Variants in XKR9 observed in about 807,000 individuals in gnomAD.
XKR9 encodes XK related 9.
XKR9 carries 32 observed loss-of-function variants against 32.0 expected under a neutral mutation model. The observed-to-expected ratio is 1.00, with a 90% CI of 0.76 to 1.34. XKR9 has a LOEUF of 1.34. XKR9 is among the 40% of genes most tolerant of loss of function. The pLI is 0.00. For synonymous variants in XKR9, 168 were observed against 143.4 expected, an observed-to-expected ratio of 1.17 and a Z score of -1.22; for missense variants, 546 against 429.7, an observed-to-expected ratio of 1.27 and a Z score of -2.39.
At chr8:70,848,167 G>A in the XKR9 span, among the ~76,000 whole-genome samples, 1 of 151,986 alleles carries the variant, frequency 6.6e-6, no homozygotes, top group African/African-American at 2.4e-5. Context: ...TTCAACATAT[G>A]CAAATCAATA....
chr8:70,979,807 T>C, the XKR9 span, among the ~76,000 whole-genome samples: 1 of 152,134 alleles, frequency 6.6e-6, no homozygotes, highest in Non-Finnish European at 1.5e-5. Flanking sequence ...CAGATAGGGA[T>C]GTTTAAGTCT....
chr8:70,866,562 T>C, the XKR9 span, among the ~76,000 whole-genome samples: 1 of 152,146 alleles, frequency 6.6e-6, no homozygotes, highest in Non-Finnish European at 1.5e-5. Flanking sequence ...CAGAGATTGG[T>C]AGGAGTATTT....
At chr8:70,918,768 CTTTTTTTTTTTTT>C in the XKR9 span, among the ~76,000 whole-genome samples, 1 of 64,138 alleles carries the variant, frequency 1.6e-5, no homozygotes, top group Non-Finnish European at 3.0e-5. Context: ...TCATGGGATC[CTTTTTTTTTTTTT>C]TTTTTTTTTT....
chr8:70,803,853 A>G, the XKR9 span, among the ~76,000 whole-genome samples: 4 of 152,228 alleles, frequency 2.6e-5, 1 homozygote, highest in South Asian at 8.3e-4. Flanking sequence ...GCTTCCTGGT[A>G]GAACATGGGG....
At chr8:71,011,376 T>A in the XKR9 span, among the ~76,000 whole-genome samples, 56 of 152,010 alleles carry the variant, frequency 3.7e-4, no homozygotes, top group African/African-American at 1.4e-3. Flanking sequence ...TTCCCATAGG[T>A]CCAAATACTT....
the XKR9 span, among the ~76,000 whole-genome samples, chr8:70,841,470 A>C: frequency 1.3e-5 from 2 of 150,912 alleles, no homozygotes; most frequent in African/African-American, 4.9e-5. Flanking sequence ...AGCTTAAAAA[A>C]CCTCCTGTGT....
At chr8:71,036,492 A>G in the XKR9 span, among the ~76,000 whole-genome samples, 1 of 152,174 alleles carries the variant, frequency 6.6e-6, no homozygotes, top group African/African-American at 2.4e-5. Context: ...CTGGAAAGTC[A>G]GCATAATAGA....
chr8:70,940,891 G>A, the XKR9 span, among the ~76,000 whole-genome samples: 16 of 152,180 alleles, frequency 1.1e-4, no homozygotes, highest in East Asian at 3.1e-3. Flanking sequence ...TTCCCTGGTT[G>A]AGTTAGGCTC....
the XKR9 span, among the ~76,000 whole-genome samples, chr8:71,050,567 G>T: frequency 2.5e-3 from 379 of 152,172 alleles, 4 homozygotes; most frequent in African/African-American, 8.7e-3. Flanking sequence ...AATACTAAGA[G>T]ATTTGAATAG....
chr8:70,680,549 C>T (rs749362407), intron 2 of XKR9, among the ~76,000 whole-genome samples: 4 of 152,010 alleles, frequency 2.6e-5, no homozygotes, highest in African/African-American at 4.8e-5. Flanking sequence ...TATAAATAGT[C>T]GTGTGATAAA....
At chr8:70,882,729 G>A in the XKR9 span, among the ~76,000 whole-genome samples, 1 of 151,838 alleles carries the variant, frequency 6.6e-6, no homozygotes, top group African/African-American at 2.4e-5. Context: ...CACTAGTGTT[G>A]TACATTTATT....
At chr8:71,016,798 G>T in the XKR9 span, among the ~76,000 whole-genome samples, 1 of 151,612 alleles carries the variant, frequency 6.6e-6, no homozygotes, top group Non-Finnish European at 1.5e-5. Context: ...AAAGGTTGAA[G>T]TACATATCTA....
the XKR9 span, among the ~76,000 whole-genome samples, chr8:70,871,191 A>G: frequency 2.0e-5 from 3 of 152,180 alleles, no homozygotes; most frequent in Admixed American, 6.5e-5. Flanking sequence ...ACTAATTCAT[A>G]TATGTATTCA....
chr8:70,727,350 T>G (rs1360816604), intron 4 of XKR9, among the ~76,000 whole-genome samples: 1 of 150,256 alleles, frequency 6.7e-6, no homozygotes, highest in Non-Finnish European at 1.5e-5. Context: ...TTTCAGGACC[T>G]CAGAGTTTTA....
the XKR9 span, among the ~76,000 whole-genome samples, chr8:71,011,299 AAC>A: frequency 2.0e-5 from 3 of 152,196 alleles, no homozygotes; most frequent in Non-Finnish European, 4.4e-5. Context: ...AATGCTCATA[AAC>A]ACATAGTAAC....
intron 2 of XKR9, among the ~76,000 whole-genome samples, chr8:70,743,586 A>G (rs1381279820): frequency 9.9e-5 from 15 of 152,120 alleles, no homozygotes; most frequent in Non-Finnish European, 1.5e-5. Flanking sequence ...ACTCTAAACA[A>G]TCTTTATTTA....
chr8:70,929,974 C>G, the XKR9 span, among the ~76,000 whole-genome samples: 2 of 152,306 alleles, frequency 1.3e-5, 1 homozygote, highest in South Asian at 4.1e-4. Context: ...TTCTGCCCGT[C>G]ACAGGCACCT....
the XKR9 span, among the ~76,000 whole-genome samples, chr8:70,876,487 T>C: frequency 3.3e-5 from 5 of 152,140 alleles, no homozygotes; most frequent in African/African-American, 7.2e-5. Context: ...GACTCTTGCA[T>C]AGAATTGACT....
the XKR9 span, among the ~76,000 whole-genome samples, chr8:70,881,354 T>G: frequency 1.3e-5 from 2 of 151,878 alleles, no homozygotes; most frequent in Non-Finnish European, 2.9e-5. Context: ...GGGAGAAAAT[T>G]TTTCCAATCT....
Sources: allele counts gnomAD v4.1 joint callset (sites outside exome capture counted in the v4.1 genomes callset), GRCh38; gene constraint gnomAD v4.1.1; transcripts MANE v1.5; gene names NCBI Gene and HGNC (gene_info 2026-07-23, HGNC 2026-07-21).